BEGAIN: variants seen among roughly 807,000 people sequenced by gnomAD.
The protein encoded by BEGAIN is brain enriched guanylate kinase associated.
A neutral mutation model predicts 35.8 loss-of-function variants in BEGAIN; 19 were observed. That is an observed-to-expected ratio of 0.53 (90% CI 0.37 to 0.78). The LOEUF is 0.78. Among genes scored for constraint, BEGAIN ranks in the 30% least tolerant of loss-of-function variants. The pLI, the probability that BEGAIN is intolerant of heterozygous loss-of-function variation, is 0.00. For synonymous variants in BEGAIN, 462 were observed against 388.6 expected (o/e 1.19, Z -2.22); for missense variants, 795 against 853.6 (o/e 0.93, Z 0.85).
At chr14:100,583,418 C>A (rs994144651) in intron 1 of BEGAIN, among the ~76,000 whole-genome samples, 6 of 152,168 alleles carry the variant, frequency 3.9e-5, no homozygotes, top group African/African-American at 1.4e-4. Context: ...ATTCCTTCAT[C>A]CATCCATCCA....
chr14:100,568,043 G>C lies in BEGAIN; in HGVS notation c.43-104C>G. ...GGGCACGGCCGGGCAACCCCGCGGG[G>C]CCCCGTCCGTGGGAAGCCCGGCGCC... On this transcript the variant is annotated intron_variant, in intron 1 of 6. Coordinates refer to ENST00000554140, the MANE Select transcript of BEGAIN (RefSeq NM_001385089.1). The surrounding 1 kb of genome is among the most constrained non-coding windows in gnomAD (Gnocchi z 7.5). The C allele has an allele frequency of 2.6e-6, 3 of 1,146,954 alleles. No homozygotes were observed. The highest frequency in any genetic ancestry group is 2.1e-6 in the Non-Finnish European group (2 of 931,064). 71.0% of individuals were successfully genotyped at this position (1,146,954 alleles called of 1,614,324 possible).
Position 100,568,322 on chromosome 14 carries a change from C to CCG in BEGAIN, c.43-384_43-383insCG. ...GCCCCGCTGCTCCCCCCGCCCCGCC[C>CCG]GTTAACCCTTCCTGCCCCGCGCTCC... On this transcript the variant is annotated intron_variant, in intron 1 of 6. Coordinates refer to ENST00000554140, the MANE Select transcript of BEGAIN (RefSeq NM_001385089.1). This position sits in a 1 kb window ranked among gnomAD's most constrained non-coding sequence, Gnocchi z 7.5. 2.6e-6 allele frequency: 2 copies of CCG among 759,364 alleles called. No individual in the cohort carries two copies. The highest frequency in any genetic ancestry group is 3.8e-6 in the Non-Finnish European group (2 of 528,616). 47.0% of individuals were successfully genotyped at this position (759,364 alleles called of 1,614,324 possible).
intron 1 of BEGAIN, among the ~76,000 whole-genome samples, chr14:100,576,569 C>T (rs1377706232): frequency 2.0e-5 from 3 of 152,202 alleles, no homozygotes; most frequent in South Asian, 4.1e-4. Flanking sequence ...ACCCATCCCA[C>T]GGCCTCCGTC....
intron 2 of BEGAIN, among the ~76,000 whole-genome samples, chr14:100,565,120 C>T (rs952821619): frequency 1.3e-5 from 2 of 152,222 alleles, no homozygotes; most frequent in Non-Finnish European, 2.9e-5. Context: ...CCTCTGTCCC[C>T]GGCACTGGAG....
Position 100,548,702 on chromosome 14 carries a change from C to T in BEGAIN, c.72-2040G>A, listed in dbSNP as rs992701412. The T allele has an allele frequency of 6.6e-5, 10 of 152,198 alleles. No homozygotes were observed. In the East Asian group the frequency reaches 9.6e-4, roughly 15 times the overall value. The allele number at this position is 152,198 out of a possible 1,614,324, so 9.4% of individuals were successfully genotyped here. ...AGTAAGACAAACCCTGCCCCTGCCCCGGGAGCCTGCGGTCCAGAGGGGAGG... is the reference window on the plus strand; with the variant it reads ...AGTAAGACAAACCCTGCCCCTGCCCTGGGAGCCTGCGGTCCAGAGGGGAGG... On this transcript the variant is annotated intron_variant, in intron 2 of 6. Transcript: ENST00000554140.
In BEGAIN at chr14:100,543,821, G is replaced by A. The variant is rs149866774; in HGVS notation, c.408+37C>T. 151 of 1,545,854 alleles carry A rather than the reference G, an allele frequency of 9.8e-5. No homozygotes were observed. The African/African-American group carries it at 1.6e-3, about 17-fold the overall frequency. ...TGGGAAGCCCTCGCCTAGGCCCACC[G>A]GCAGTCTTCCATGGGCCAAGTGTGT... On this transcript the variant is annotated intron_variant, in intron 5 of 6. Coordinates refer to ENST00000554140, the MANE Select transcript of BEGAIN (RefSeq NM_001385089.1).
At position 100,538,933 on chromosome 14, in the gene BEGAIN, GCCT is replaced by G. The variant is rs763383050; in HGVS notation, c.872_874del (p.Glu291del). 269 of 1,492,344 alleles carry G rather than the reference GCCT, an allele frequency of 1.8e-4. No homozygotes were observed. Among genetic ancestry groups the G allele is most frequent in the Admixed American group, 5.0e-4 (26 of 52,434 alleles). The allele number at this position is 1,492,344 out of a possible 1,614,324, so 92.4% of individuals were successfully genotyped here. On this transcript the variant is annotated inframe_deletion, in exon 7 of 7. Transcript: ENST00000554140. ...GCCCGCCGGGAAGGCCGCCGCCTCG[GCCT>G]CCTCCTCCTCCTCGGCCGCGCTGTC...
intron 1 of BEGAIN, among the ~76,000 whole-genome samples, chr14:100,575,403 A>G (rs903643886): frequency 2.0e-5 from 3 of 152,206 alleles, no homozygotes; most frequent in Non-Finnish European, 4.4e-5. Flanking sequence ...ACCTTGGGCC[A>G]GGGTCCTTCC....
At chr14:100,551,928 G>C (rs954168107) in intron 2 of BEGAIN, among the ~76,000 whole-genome samples, 1 of 152,144 alleles carries the variant, frequency 6.6e-6, no homozygotes, top group Non-Finnish European at 1.5e-5. Flanking sequence ...TTGGAATTCC[G>C]GTCCCAGGTC....
At position 100,539,150 on chromosome 14, in the gene BEGAIN, C is replaced by T. The variant is rs180737404; in HGVS notation, c.658G>A (p.Asp220Asn). 8.8e-6 allele frequency: 14 copies of T among 1,599,904 alleles called. No homozygotes were observed. In the East Asian group the frequency reaches 9.0e-5, roughly 10 times the overall value. Residue 220 changes from aspartate (D) to asparagine (N), a missense_variant, in exon 7 of 7, where the codon GAT (aspartate) becomes AAT (asparagine). Physicochemically the swap from Asp to Asn is conservative, Grantham distance 23. Transcript: ENST00000554140. ...AAGGCCAGGTCGCGGGCGGAGGCAT[C>T]GGACAGGCGGGAGGACAGGCTGGCG... ...DPASLSSRLS[D>N]ASARDLAFCD...
chr14:100,570,132 A>T (rs2035030189), intron 1 of BEGAIN, among the ~76,000 whole-genome samples: 1 of 152,202 alleles, frequency 6.6e-6, no homozygotes, highest in African/African-American at 2.4e-5. Flanking sequence ...TCAATCACTC[A>T]CGGCGAATGA....
Position 100,537,865 on chromosome 14 carries a change from G to T in BEGAIN, c.*104C>A. 2 of 1,437,432 alleles carry T rather than the reference G, an allele frequency of 1.4e-6. No homozygotes were observed. The highest frequency in any genetic ancestry group is 9.2e-7 in the Non-Finnish European group (1 of 1,090,816). The allele number at this position is 1,437,432 out of a possible 1,614,324, so 89.0% of individuals were successfully genotyped here. On this transcript the variant is annotated 3_prime_UTR_variant, in exon 7 of 7. Transcript: ENST00000554140. ...GGGAGGAACAGACTCCTCGTTGTTG[G>T]CCGGGGCAGGGGAACAGCGGGGGCT...
chr14:100,547,492 T>G (rs73352917), intron 2 of BEGAIN: 14,089 of 152,266 alleles, frequency 0.093, 2,180 homozygotes, highest in African/African-American at 0.32. Context: ...CTGCCAACAA[T>G]TCACCTGAAC....
At chr14:100,541,435 C>T (rs2031591368) in intron 5 of BEGAIN, among the ~76,000 whole-genome samples, 1 of 152,218 alleles carries the variant, frequency 6.6e-6, no homozygotes, top group Non-Finnish European at 1.5e-5. Flanking sequence ...GACACAGGCA[C>T]CTTTCTGTCC....
intron 2 of BEGAIN, among the ~76,000 whole-genome samples, chr14:100,555,913 T>C (rs1412590275): frequency 6.6e-6 from 1 of 152,146 alleles, no homozygotes; most frequent in Non-Finnish European, 1.5e-5. Flanking sequence ...GGACTCTGAA[T>C]GTCATCACCA....
intron 1 of BEGAIN, among the ~76,000 whole-genome samples, chr14:100,578,517 A>G (rs914447931): frequency 6.6e-6 from 1 of 152,224 alleles, no homozygotes; most frequent in Non-Finnish European, 1.5e-5. Context: ...TTTGAGATAC[A>G]GGGTAGTCGG....
intron 4 of BEGAIN, 76 bp from the exon 5 acceptor site, chr14:100,544,041 C>T: frequency 9.3e-7 from 1 of 1,073,040 alleles, no homozygotes; most frequent in Non-Finnish European, 1.4e-6. Flanking sequence ...GATTGCACCC[C>T]CTGGTTTGTC....
chr14:100,581,773 C>T (rs572445201), intron 1 of BEGAIN, among the ~76,000 whole-genome samples: 3 of 152,376 alleles, frequency 2.0e-5, no homozygotes, highest in South Asian at 4.1e-4. Flanking sequence ...CTGGCACACA[C>T]TGCCCCTGTG....
At position 100,543,491 on chromosome 14, in the gene BEGAIN, G is replaced by A. The variant is rs150789575; in HGVS notation, c.408+367C>T. 1.4e-3 allele frequency among the ~76,000 whole-genome samples: 218 copies of A among 152,284 alleles called. 1 individual carries two copies. The highest frequency in any genetic ancestry group is 5.1e-3 in the African/African-American group (214 of 41,556). ...CCACACGGCTGTGATGCAACACTGG[G>A]ACTGGCCAAGGGCAGGAGTCCTGAG... is the stretch of plus-strand genomic sequence containing the variant. On this transcript the variant is annotated intron_variant, in intron 5 of 6. Transcript: ENST00000554140.
Sources: allele counts gnomAD v4.1 joint callset (sites outside exome capture counted in the v4.1 genomes callset), GRCh38; gene constraint gnomAD v4.1.1; non-coding constraint Gnocchi (gnomAD v3.1); transcripts MANE v1.5; gene names NCBI Gene and HGNC (gene_info 2026-07-23, HGNC 2026-07-21).